ZNF469: variants seen among roughly 807,000 people sequenced by gnomAD.
ZNF469 encodes the protein zinc finger protein 469.
In ZNF469, 1 loss-of-function variant was observed where a neutral mutation model predicts 1.0. The ratio of observed to expected loss-of-function variants is 1.00; its 90% CI spans 0.35 to 4.73. The LOEUF is 4.73. ZNF469 is among the 30% of genes most tolerant of loss of function. The probability of loss-of-function intolerance (pLI) is 0.16; values close to 1 mark genes in which losing one functional copy is unlikely to be tolerated. For missense variants in ZNF469, 6,100 were observed against 5,356.3 expected, an observed-to-expected ratio of 1.14 and a Z score of -4.33; for synonymous variants, 2,703 against 2,363.4, an observed-to-expected ratio of 1.14 and a Z score of -4.17.
At chr16:88,387,578 G>T (rs1419801085) in intron 1 of ZNF469, among the ~76,000 whole-genome samples, 2 of 152,232 alleles carry the variant, frequency 1.3e-5, no homozygotes, top group African/African-American at 4.8e-5. Flanking sequence ...TTCCTGCTCA[G>T]TACTCACCCC....
At chr16:88,110,738 G>T in the ZNF469 span, among the ~76,000 whole-genome samples, 203 of 152,382 alleles carry the variant, frequency 1.3e-3, 1 homozygote, top group South Asian at 0.012. Context: ...GGGGAGGGGA[G>T]AAAAATGGCC....
the ZNF469 span, among the ~76,000 whole-genome samples, chr16:88,112,881 T>C: frequency 6.8e-6 from 1 of 148,048 alleles, no homozygotes; most frequent in Non-Finnish European, 1.5e-5. Context: ...GGGTTTGCGC[T>C]ATTCTCCTGC....
At chr16:88,178,857 C>G in the ZNF469 span, 1 of 144,984 alleles carries the variant, frequency 6.9e-6, no homozygotes. Context: ...CCACCTTCAC[C>G]TGGAGGCCGC....
At chr16:88,283,244 G>A in the ZNF469 span, among the ~76,000 whole-genome samples, 1 of 151,632 alleles carries the variant, frequency 6.6e-6, no homozygotes, top group Non-Finnish European at 1.5e-5. Context: ...CCGAGGGAAC[G>A]CCTCTGTCAG....
At chr16:88,170,402 AC>A in the ZNF469 span, among the ~76,000 whole-genome samples, 1 of 152,210 alleles carries the variant, frequency 6.6e-6, no homozygotes, top group African/African-American at 2.4e-5. This position sits in a 1 kb window ranked among gnomAD's most constrained non-coding sequence, Gnocchi z 4.2. Context: ...TCACTGTACA[AC>A]TGAAAGTTCT....
chr16:88,416,499 G>C (rs1254071442), intron 1 of ZNF469, among the ~76,000 whole-genome samples: 1 of 152,124 alleles, frequency 6.6e-6, no homozygotes, highest in Admixed American at 6.5e-5. Context: ...GTGTGACTTC[G>C]GCAGGATCTC....
chr16:88,220,345 G>GGAGGTTTTAAA, the ZNF469 span, among the ~76,000 whole-genome samples: 1 of 152,208 alleles, frequency 6.6e-6, no homozygotes, highest in Non-Finnish European at 1.5e-5. Flanking sequence ...CTGGAGAATT[G>GGAGGTTTTAAA]TTTGTAAATG....
upstream of ZNF469, among the ~76,000 whole-genome samples, chr16:88,382,096 T>C (rs1328598158): frequency 6.6e-6 from 1 of 152,214 alleles, no homozygotes; most frequent in East Asian, 1.9e-4. Flanking sequence ...ACCAAGTTCA[T>C]GACTTGGGAT....
At chr16:88,361,851 G>A in the ZNF469 span, among the ~76,000 whole-genome samples, 12,537 of 152,212 alleles carry the variant, frequency 0.082, 855 homozygotes, top group East Asian at 0.34. Flanking sequence ...TTAGGTCTGT[G>A]GTTCATCGTG....
chr16:88,425,485 C>T (rs1337270875), intron 2 of ZNF469, among the ~76,000 whole-genome samples: 6 of 151,876 alleles, frequency 4.0e-5, no homozygotes, highest in Admixed American at 1.3e-4. Context: ...ATGTGCAGGG[C>T]AGGAGATGTG....
the ZNF469 span, among the ~76,000 whole-genome samples, chr16:88,229,293 C>T: frequency 6.6e-6 from 1 of 152,368 alleles, no homozygotes; most frequent in East Asian, 1.9e-4. Context: ...GCCTCCTCCG[C>T]GAGCAGCCCG....
the ZNF469 span, among the ~76,000 whole-genome samples, chr16:88,323,524 G>A: frequency 6.6e-6 from 1 of 152,224 alleles, no homozygotes; most frequent in African/African-American, 2.4e-5. Flanking sequence ...GGGTGAGAGG[G>A]CCCTGGGCAT....
chr16:88,391,559 C>A (rs1904492845), intron 1 of ZNF469, among the ~76,000 whole-genome samples: 2 of 152,222 alleles, frequency 1.3e-5, no homozygotes, highest in Admixed American at 6.5e-5. Context: ...GCTGAGTGGT[C>A]CCCACAGGCA....
At chr16:88,175,651 C>A in the ZNF469 span, among the ~76,000 whole-genome samples, 1 of 152,150 alleles carries the variant, frequency 6.6e-6, no homozygotes, top group Admixed American at 6.5e-5. Context: ...TGCGTGAAAA[C>A]GGAAATGCAA....
In ZNF469 at chr16:88,433,684, G is replaced by A. The variant is rs770234550; in HGVS notation, c.6214G>A (p.Ala2072Thr). 5 of 1,549,580 alleles carry A rather than the reference G, an allele frequency of 3.2e-6. No individual in the cohort carries two copies. Among genetic ancestry groups the A allele is most frequent in the African/African-American group, 1.4e-5 (1 of 73,164 alleles). The change falls in exon 3 of 3, where the codon GCA becomes ACA. Residue 2072 changes from alanine to threonine, a missense_variant. Physicochemically the swap from Ala to Thr is moderately conservative, Grantham distance 58. Coordinates refer to ENST00000565624, the MANE Select transcript of ZNF469 (RefSeq NM_001367624.2). ...NRESLALALT[A>T]AHSRSGSEGR... ...GGAGTCCCTGGCGCTGGCCTTGACA[G>A]CAGCCCACAGCCGAAGTGGATCTGA...
At chr16:88,247,817 GTGAA>G in the ZNF469 span, among the ~76,000 whole-genome samples, 11 of 149,032 alleles carry the variant, frequency 7.4e-5, no homozygotes, top group African/African-American at 2.6e-4. Flanking sequence ...GAGTGAGTGA[GTGAA>G]TGAGTGAGTG....
the ZNF469 span, among the ~76,000 whole-genome samples, chr16:88,301,503 C>T: frequency 4.6e-5 from 7 of 152,314 alleles, no homozygotes; most frequent in African/African-American, 9.6e-5. Context: ...CTCTCTTGTA[C>T]TCAGTGAACA....
rs1425473353 is a variant in ZNF469 at position 88,437,033 on chromosome 16, G to A, written c.9563G>A (p.Trp3188Ter). The change falls in exon 3 of 3, where the codon TGG becomes TAG. Residue 3188 changes from tryptophan (W) to a stop codon, truncating the protein, a stop_gained. Transcript: ENST00000565624. LOFTEE classifies it low-confidence loss of function (END_TRUNC). ...TGCCTGAAGGAGGTGGCCGACGTCT[G>A]GATGTACAACGAGCACCTGCGTGAG... ...GMCLKEVADVWMYNEHLREHA... is the reference protein window; with the variant it reads ...GMCLKEVADV 6.5e-7 allele frequency: 1 copy of A among 1,532,508 alleles called. No individual in the cohort carries two copies. The highest frequency in any genetic ancestry group is 8.8e-7 in the Non-Finnish European group (1 of 1,141,602). 94.9% of individuals were successfully genotyped at this position (1,532,508 alleles called of 1,614,324 possible). A position where few individuals can be genotyped will look rare whatever the true frequency, so the allele number is the denominator to read the frequency against.
At chr16:88,108,266 G>C in the ZNF469 span, among the ~76,000 whole-genome samples, 6 of 152,162 alleles carry the variant, frequency 3.9e-5, no homozygotes, top group Admixed American at 3.9e-4. Flanking sequence ...TGGGGATGTG[G>C]GGATGGAGGT....
Sources: gnomAD v4.1 joint callset for allele counts (sites outside exome capture counted in the v4.1 genomes callset) on GRCh38, gnomAD v4.1.1 for gene constraint, Gnocchi (gnomAD v3.1) non-coding constraint, MANE v1.5 for transcripts, NCBI Gene and HGNC (gene_info 2026-07-23, HGNC 2026-07-21) for gene names.